Variants in TBX3 observed in about 807,000 individuals in gnomAD.
TBX3 encodes T-box transcription factor TBX3.
A neutral mutation model predicts 47.8 loss-of-function variants in TBX3; 11 were observed. The observed-to-expected ratio is 0.23, with a 90% CI of 0.14 to 0.38. The LOEUF (loss-of-function observed/expected upper bound fraction) is 0.38, where lower values mean the gene tolerates loss of function less well. Ranked by LOEUF, TBX3 falls within the 10% of genes least tolerant of loss-of-function variation. TBX3 has a pLI of 1.00. For synonymous variants in TBX3, 500 were observed against 449.3 expected (o/e 1.11, Z -1.43); for missense variants, 927 against 1,022.8 (o/e 0.91, Z 1.28).
At position 114,671,590 on chromosome 12, in the gene TBX3, C is replaced by T; in HGVS notation, c.*251G>A. The T allele has an allele frequency of 1.7e-6, 1 of 582,914 alleles. No homozygotes were observed. The highest frequency in any genetic ancestry group is 2.0e-5 in the South Asian group (1 of 49,328). The allele number at this position is 582,914 out of a possible 1,614,324, so 36.1% of individuals were successfully genotyped here. ...CTGGACATAAATGTTGGAACTCCTA[C>T]CCCCAGTAGCTCAATGCAACCGACG... On this transcript the variant is annotated 3_prime_UTR_variant, in exon 7 of 7. Coordinates refer to ENST00000349155, the MANE Select transcript of TBX3 (RefSeq NM_005996.4).
Position 114,672,268 on chromosome 12 carries a change from G to A in TBX3, c.1745C>T (p.Pro582Leu), listed in dbSNP as rs777583851. The change falls in exon 7 of 7, where the codon CCT becomes CTT. Residue 582 changes from proline to leucine, a missense_variant. Pro to Leu is a moderately conservative substitution (Grantham distance 98). Around this residue, in one of 5 missense-constraint regions of TBX3, gnomAD observed 623 missense variants for 569.0 expected, o/e 1.09. Transcript: ENST00000349155. ...LAMSPFGSLF[P>L]YPYTYMAAAA... Reference sequence around the variant, plus strand: ...TGCGGCCATGTACGTGTAGGGGTAAGGGAACAGGCTTCCGAAAGGGGACAT... The same window carrying A: ...TGCGGCCATGTACGTGTAGGGGTAAAGGAACAGGCTTCCGAAAGGGGACAT... 1.3e-6 allele frequency: 2 copies of A among 1,575,846 alleles called. No homozygotes were observed. Among genetic ancestry groups the A allele is most frequent in the Non-Finnish European group, 1.7e-6 (2 of 1,161,726 alleles).
In TBX3 at chr12:114,683,454, G is replaced by A; in HGVS notation, c.-254C>T. ...GCGAAAAATCAGCAAACATAGTCGC[G>A]CGGGTGACCGTCCTTGTGCCTTGCG... On this transcript the variant is annotated 5_prime_UTR_variant, in exon 1 of 7. Transcript: ENST00000349155. This position sits in a 1 kb window ranked among gnomAD's most constrained non-coding sequence, Gnocchi z 7.7. The A allele has an allele frequency of 1.9e-6, 1 of 537,660 alleles. No individual in the cohort carries two copies. Among genetic ancestry groups the A allele is most frequent in the Non-Finnish European group, 3.2e-6 (1 of 307,692 alleles). 33.3% of individuals were successfully genotyped at this position (537,660 alleles called of 1,614,324 possible).
Position 114,674,527 on chromosome 12 carries a change from C to A in TBX3, c.1348G>T (p.Ala450Ser). The A allele has an allele frequency of 6.6e-7, 1 of 1,523,018 alleles. No individual in the cohort carries two copies. Among genetic ancestry groups the A allele is most frequent in the Non-Finnish European group, 8.8e-7 (1 of 1,139,836 alleles). The allele number at this position is 1,523,018 out of a possible 1,614,324, so 94.3% of individuals were successfully genotyped here. ...GCCTCCTTGCCCGGGAGCGCGCGCG[C>A]CTCTTCCACCTTGGCCGGCGCTGTG... is the stretch of plus-strand genomic sequence containing the variant. ...EGTAPAKVEE[A>S]RALPGKEAFA... Residue 450 changes from alanine to serine, a missense_variant, in exon 6 of 7, where the codon GCG becomes TCG. By Grantham distance (99) the Ala-to-Ser change is moderately conservative (BLOSUM62 1). Around this residue, in one of 5 missense-constraint regions of TBX3, gnomAD observed 623 missense variants for 569.0 expected, o/e 1.09. Coordinates refer to ENST00000349155, the MANE Select transcript of TBX3 (RefSeq NM_005996.4).
intron 1 of TBX3, among the ~76,000 whole-genome samples, chr12:114,682,317 C>G (rs1241511807): frequency 6.6e-6 from 1 of 152,178 alleles, no homozygotes; most frequent in Non-Finnish European, 1.5e-5. Flanking sequence ...AGGGCAGCAG[C>G]AGGCCCCTTT....
intron 1 of TBX3, among the ~76,000 whole-genome samples, chr12:114,682,133 G>GTAAAA (rs1868956768): frequency 6.6e-6 from 1 of 152,064 alleles, no homozygotes. Context: ...TGTAAAATAT[G>GTAAAA]GTTGATAATA....
At chr12:114,680,795 G>A in intron 2 of TBX3, 84 bp downstream of exon 2, 1 of 1,583,836 alleles carries the variant, frequency 6.3e-7, no homozygotes, top group Admixed American at 1.7e-5. Flanking sequence ...GAGAAGTCTG[G>A]GCTGAAACTC....
chr12:114,672,608 T>C (rs1436516874), intron 6 of TBX3, among the ~76,000 whole-genome samples: 1 of 151,992 alleles, frequency 6.6e-6, no homozygotes, highest in Non-Finnish European at 1.5e-5. Context: ...TTCATATACT[T>C]ATTGAGGACT....
chr12:114,676,179 G>T, intron 5 of TBX3, 134 bp downstream of exon 5: 1 of 1,158,848 alleles, frequency 8.6e-7, no homozygotes, highest in Non-Finnish European at 1.2e-6. Context: ...TTGAACTCTG[G>T]CTTCTGTTTA....
In TBX3 at chr12:114,672,258, G is replaced by A; in HGVS notation, c.1755C>T (p.Tyr585=). 1 of 1,576,962 alleles carries A rather than the reference G, an allele frequency of 6.3e-7. No homozygotes were observed. The highest frequency in any genetic ancestry group is 8.6e-7 in the Non-Finnish European group (1 of 1,162,116). ...CGGCCGCCGCTGCGGCCATGTACGT[G>A]TAGGGGTAAGGGAACAGGCTTCCGA... ...SPFGSLFPYP[Y]TYMAAAAAAS... Residue 585 remains tyrosine, a synonymous_variant, in exon 7 of 7, where the codon TAC becomes TAT. Transcript: ENST00000349155.
Position 114,678,686 on chromosome 12 carries a change from C to G in TBX3, c.804+819G>C, listed in dbSNP as rs535934587. ...CTCTTTGAAGTCCAGGATTGCAGAG[C>G]AGGGGTCTTCAGTCCCTCCTCCCAC... On this transcript the variant is annotated intron_variant, in intron 3 of 6. Coordinates refer to ENST00000349155, the MANE Select transcript of TBX3 (RefSeq NM_005996.4). 6.4e-4 allele frequency among the ~76,000 whole-genome samples: 98 copies of G among 152,286 alleles called. 1 individual carries two copies. Among genetic ancestry groups the G allele is most frequent in the African/African-American group, 2.0e-3 (84 of 41,556 alleles).
intron 1 of TBX3, among the ~76,000 whole-genome samples, chr12:114,681,940 T>A (rs1298415863): frequency 1.3e-5 from 2 of 152,216 alleles, no homozygotes; most frequent in African/African-American, 2.4e-5. Context: ...AACTTTGGCC[T>A]CATTTAGCTT....
At chr12:114,678,805 G>C (rs1868812310) in intron 3 of TBX3, among the ~76,000 whole-genome samples, 2 of 152,146 alleles carry the variant, frequency 1.3e-5, no homozygotes, top group South Asian at 4.1e-4. Flanking sequence ...CATAGCTCTA[G>C]ATATCAGGTG....
In TBX3 at chr12:114,671,844, C is replaced by A. The variant is rs1050367075; in HGVS notation, c.2169G>T (p.Pro723=). 6.4e-7 allele frequency: 1 copy of A among 1,554,938 alleles called. No individual in the cohort carries two copies. The highest frequency in any genetic ancestry group is 8.7e-7 in the Non-Finnish European group (1 of 1,149,806). ...AKPDRSRSAS[P] Reference sequence around the variant, plus strand: ...AAAAGACGTGTCTGGGACGGGTCTACGGGGACGCGCTGCGGGACCTGTCCG... The same window carrying A: ...AAAAGACGTGTCTGGGACGGGTCTAAGGGGACGCGCTGCGGGACCTGTCCG... The change falls in exon 7 of 7, where the codon CCG becomes CCT. Residue 723 remains proline, a synonymous_variant. Transcript: ENST00000349155.
chr12:114,679,646 T>C lies in TBX3; in HGVS notation c.663A>G (p.Ile221Met). 1.9e-6 allele frequency: 3 copies of C among 1,614,132 alleles called. No homozygotes were observed. The highest frequency in any genetic ancestry group is 2.5e-6 in the Non-Finnish European group (3 of 1,180,010). Reference sequence around the variant, plus strand: ...GCTGGTATTTGTGCATGGAGTTCAATATAGTCTGCAGGGGCAGGGAAGAGG... The same window carrying C: ...GCTGGTATTTGTGCATGGAGTTCAACATAGTCTGCAGGGGCAGGGAAGAGG... The part of the protein sequence containing the change: ...NNISDKHGFT[I>M]LNSMHKYQPR... The change falls in exon 3 of 7, where the codon ATA (isoleucine) becomes ATG (methionine). Residue 221 changes from isoleucine (I) to methionine (M), a missense_variant. Physicochemically the swap from Ile to Met is conservative, Grantham distance 10. Around this residue, in one of 5 missense-constraint regions of TBX3, gnomAD observed 38 missense variants for 77.7 expected, o/e 0.49. Transcript: ENST00000349155.
intron 3 of TBX3, among the ~76,000 whole-genome samples, chr12:114,678,037 C>CACACAT (rs1244221162): frequency 1.3e-5 from 2 of 151,822 alleles, no homozygotes; most frequent in African/African-American, 2.4e-5. Context: ...CACACACACA[C>CACACAT]ACACACACAC....
At chr12:114,677,268 T>A (rs547550371) in intron 4 of TBX3, among the ~76,000 whole-genome samples, 3 of 152,376 alleles carry the variant, frequency 2.0e-5, no homozygotes, top group African/African-American at 7.2e-5. Flanking sequence ...CATGGTTCTT[T>A]CTGGGACCTG....
intron 1 of TBX3, among the ~76,000 whole-genome samples, chr12:114,681,636 T>C (rs1353921877): frequency 6.6e-6 from 1 of 152,226 alleles, no homozygotes; most frequent in Non-Finnish European, 1.5e-5. Flanking sequence ...CCCTCCCTGC[T>C]GCAGAATAGC....
At chr12:114,679,846 C>T in intron 2 of TBX3, 195 bp from the exon 3 acceptor site, 3 of 1,582,656 alleles carry the variant, frequency 1.9e-6, no homozygotes, top group Non-Finnish European at 2.6e-6. Flanking sequence ...AATTGCTCCT[C>T]AGTTGCCAAA....
intron 6 of TBX3, among the ~76,000 whole-genome samples, chr12:114,673,708 G>A (rs898268205): frequency 9.8e-5 from 15 of 152,298 alleles, no homozygotes; most frequent in Non-Finnish European, 1.8e-4. Context: ...AAGAGGCCCT[G>A]GAGTCAGATA....
Sources: gnomAD v4.1 joint callset for allele counts (sites outside exome capture counted in the v4.1 genomes callset) on GRCh38, gnomAD v4.1.1 for gene constraint, gnomAD v4.1.1 regional missense constraint, Gnocchi (gnomAD v3.1) non-coding constraint, MANE v1.5 for transcripts, NCBI Gene and HGNC (gene_info 2026-07-23, HGNC 2026-07-21) for gene names.